The following CBLN2 variants were observed in gnomAD, a reference collection of about 807,000 sequenced individuals.
CBLN2 encodes cerebellin-2.
Under a neutral mutation model 15.0 loss-of-function variants are expected in CBLN2, and 7 were observed. The ratio of observed to expected loss-of-function variants is 0.47; its 90% CI spans 0.27 to 0.88. CBLN2 has a LOEUF of 0.88. Ranked by LOEUF, CBLN2 falls within the 40% of genes least tolerant of loss-of-function variation. The pLI, the probability that CBLN2 is intolerant of heterozygous loss-of-function variation, is 0.14. For missense variants in CBLN2, 242 were observed against 304.5 expected (o/e 0.79, Z 1.53); for synonymous variants, 149 against 135.2 (o/e 1.10, Z -0.71).
intron 1 of CBLN2, among the ~76,000 whole-genome samples, chr18:72,581,425 G>A (rs2069403702): frequency 6.6e-6 from 1 of 152,138 alleles, no homozygotes; most frequent in African/African-American, 2.4e-5. Context: ...TCTTATGGAT[G>A]TTATAATAAA....
intron 1 of CBLN2, among the ~76,000 whole-genome samples, chr18:72,584,736 T>C (rs2144922663): frequency 6.6e-6 from 1 of 152,310 alleles, no homozygotes; most frequent in South Asian, 2.1e-4. Context: ...ACAATAAATA[T>C]TTGTTAAATA....
intron 1 of CBLN2, among the ~76,000 whole-genome samples, chr18:72,609,971 C>T (rs1300369564): frequency 6.6e-6 from 1 of 152,156 alleles, no homozygotes; most frequent in African/African-American, 2.4e-5. Flanking sequence ...AAACTCGCTG[C>T]CATCCTGTGT....
intron 1 of CBLN2, among the ~76,000 whole-genome samples, chr18:72,559,265 T>C (rs1461470559): frequency 6.6e-6 from 1 of 152,192 alleles, no homozygotes; most frequent in Non-Finnish European, 1.5e-5. Flanking sequence ...AGCCACTGAC[T>C]TCCCTTCAGG....
intron 1 of CBLN2, among the ~76,000 whole-genome samples, chr18:72,628,702 C>T (rs1261387176): frequency 1.3e-5 from 2 of 152,180 alleles, no homozygotes; most frequent in African/African-American, 4.8e-5. Flanking sequence ...CACATTTCGT[C>T]GTCCCCTACA....
intron 1 of CBLN2, among the ~76,000 whole-genome samples, chr18:72,611,670 T>TCC (rs2069623489): frequency 6.6e-6 from 1 of 152,166 alleles, no homozygotes; most frequent in South Asian, 2.1e-4. Context: ...AGTTTGCAAA[T>TCC]ATTTTCTCCC....
chr18:72,549,951 G>A (rs2144880366), intron 1 of CBLN2, among the ~76,000 whole-genome samples: 1 of 152,292 alleles, frequency 6.6e-6, no homozygotes, highest in Non-Finnish European at 1.5e-5. Context: ...AGGTATTGCG[G>A]TTCCTAACAG....
At chr18:72,637,569 T>G (rs1291388700) in intron 1 of CBLN2, among the ~76,000 whole-genome samples, 2 of 152,208 alleles carry the variant, frequency 1.3e-5, no homozygotes, top group African/African-American at 4.8e-5. Flanking sequence ...AGACTTTTCT[T>G]GTCAACACAA....
chr18:72,604,578 T>C (rs780161856), intron 1 of CBLN2, among the ~76,000 whole-genome samples: 9 of 152,200 alleles, frequency 5.9e-5, no homozygotes, highest in Non-Finnish European at 1.2e-4. Flanking sequence ...TGTGGCAGTA[T>C]AGAGAGGGGG....
chr18:72,628,021 G>A (rs569093868), intron 1 of CBLN2, among the ~76,000 whole-genome samples: 2 of 152,176 alleles, frequency 1.3e-5, no homozygotes, highest in South Asian at 4.2e-4. Context: ...ATCTCCTGTG[G>A]TAAATCATCA....
intron 1 of CBLN2, among the ~76,000 whole-genome samples, chr18:72,588,011 A>G (rs1006402986): frequency 3.9e-5 from 6 of 152,188 alleles, no homozygotes; most frequent in Admixed American, 3.3e-4. Context: ...TAGAGATTGC[A>G]TTGTATTTGA....
intron 1 of CBLN2, among the ~76,000 whole-genome samples, chr18:72,555,194 T>C (rs1344281813): frequency 6.6e-6 from 1 of 151,318 alleles, no homozygotes; most frequent in Non-Finnish European, 1.5e-5. Flanking sequence ...AGCAAATAAC[T>C]GAAGGCACAA....
intron 1 of CBLN2, among the ~76,000 whole-genome samples, chr18:72,586,463 A>G (rs1028057147): frequency 1.2e-4 from 18 of 152,210 alleles, no homozygotes; most frequent in African/African-American, 4.1e-4. Context: ...TGAGGCTAGA[A>G]GAGAGTGAAA....
chr18:72,538,437 C>A, intron 4 of CBLN2, 64 bp from the exon 5 acceptor site: 1 of 1,569,118 alleles, frequency 6.4e-7, no homozygotes, highest in South Asian at 1.1e-5. Context: ...ACTGTTCTCT[C>A]CTTTGCCAAT....
chr18:72,569,796 C>G lies in CBLN2; in HGVS notation c.16-31024G>C, dbSNP rs989233633. Among the ~76,000 whole-genome samples, 8 of 152,096 alleles carry G rather than the reference C, an allele frequency of 5.3e-5. No individual in the cohort carries two copies. In the East Asian group the frequency reaches 5.8e-4, roughly 11 times the overall value. ...ATAAGCAGTTCATGAGGGATTCTCC[C>G]CTACGATCTACATACCTCCCACCAG... On this transcript the variant is annotated intron_variant, in intron 1 of 2. Transcript: ENST00000581073.
At chr18:72,590,355 G>C (rs1353378363) in intron 1 of CBLN2, among the ~76,000 whole-genome samples, 3 of 152,124 alleles carry the variant, frequency 2.0e-5, no homozygotes, top group Admixed American at 2.0e-4. Flanking sequence ...GCTGAGGCAG[G>C]AGAATCATGT....
At chr18:72,565,888 T>A (rs1568257323) in intron 1 of CBLN2, among the ~76,000 whole-genome samples, 3 of 152,148 alleles carry the variant, frequency 2.0e-5, no homozygotes, top group African/African-American at 7.2e-5. Flanking sequence ...ACCTATAGAA[T>A]GGGAGAATAT....
chr18:72,572,059 C>T (rs979828258), intron 1 of CBLN2, among the ~76,000 whole-genome samples: 16 of 152,062 alleles, frequency 1.1e-4, no homozygotes, highest in Non-Finnish European at 1.9e-4. Flanking sequence ...TAAATCTTAC[C>T]ATAGAGGCTT....
intron 1 of CBLN2, among the ~76,000 whole-genome samples, chr18:72,555,263 T>A (rs2069218757): frequency 6.6e-6 from 1 of 152,190 alleles, no homozygotes; most frequent in African/African-American, 2.4e-5. Flanking sequence ...CTGGAAAGCC[T>A]GCTGGTGGTC....
chr18:72,637,640 C>T (rs146104699), intron 1 of CBLN2, among the ~76,000 whole-genome samples: 13 of 152,270 alleles, frequency 8.5e-5, no homozygotes, highest in Admixed American at 2.6e-4. Context: ...GGAATTGGTA[C>T]CTGATAAGTA....
Sources: allele counts gnomAD v4.1 joint callset (sites outside exome capture counted in the v4.1 genomes callset), GRCh38; gene constraint gnomAD v4.1.1; transcripts MANE v1.5; gene names NCBI Gene and HGNC (gene_info 2026-07-23, HGNC 2026-07-21).